PPP2R2C: variants seen among roughly 807,000 people sequenced by gnomAD.
PPP2R2C encodes the protein protein phosphatase 2 regulatory subunit Bgamma.
Under a neutral mutation model 45.3 loss-of-function variants are expected in PPP2R2C, and 10 were observed. The ratio of observed to expected loss-of-function variants is 0.22; its 90% CI spans 0.14 to 0.37. The LOEUF (loss-of-function observed/expected upper bound fraction) is 0.37. Ranked by LOEUF, PPP2R2C falls within the 10% of genes least tolerant of loss-of-function variation. The pLI, the probability that PPP2R2C is intolerant of heterozygous loss-of-function variation, is 1.00. For missense variants in PPP2R2C, 308 were observed against 619.7 expected (o/e 0.50, Z 5.34); for synonymous variants, 257 against 245.4 (o/e 1.05, Z -0.44).
In PPP2R2C at chr4:6,415,834, C is replaced by T. The variant is rs140519773; in HGVS notation, c.71-34740G>A. ...CCAGCCATGACTCACATACCTCCTA[C>T]GATGGGGAGCTCACTACCACATTAC... is the stretch of plus-strand genomic sequence containing the variant. On this transcript the variant is annotated intron_variant, in intron 1 of 8. Transcript: ENST00000382599. Among the ~76,000 whole-genome samples the T allele has an allele frequency of 2.9e-3, 439 of 152,276 alleles. 1 individual carries two copies. The highest frequency in any genetic ancestry group is 9.9e-3 in the African/African-American group (411 of 41,536).
chr4:6,423,159 C>T (rs1197228088), intron 1 of PPP2R2C, among the ~76,000 whole-genome samples: 2 of 152,162 alleles, frequency 1.3e-5, no homozygotes, highest in African/African-American at 4.8e-5. Context: ...GTGTGTCAGG[C>T]TCTGTGCTAC....
chr4:6,405,925 T>C (rs756052422), intron 1 of PPP2R2C, among the ~76,000 whole-genome samples: 29 of 152,232 alleles, frequency 1.9e-4, no homozygotes, highest in Non-Finnish European at 3.4e-4. Flanking sequence ...GCTCGATACT[T>C]TGTTTTGTTT....
At chr4:6,341,925 G>C (rs1170206175) in intron 6 of PPP2R2C, among the ~76,000 whole-genome samples, 2 of 151,958 alleles carry the variant, frequency 1.3e-5, no homozygotes, top group Non-Finnish European at 2.9e-5. Context: ...GTGTTGTTTT[G>C]AGCCACTAAG....
At chr4:6,427,650 C>T (rs913059984) in intron 1 of PPP2R2C, among the ~76,000 whole-genome samples, 1 of 152,210 alleles carries the variant, frequency 6.6e-6, no homozygotes, top group African/African-American at 2.4e-5. Flanking sequence ...CCATGCTTGT[C>T]CCTAGGCCAG....
intron 1 of PPP2R2C, among the ~76,000 whole-genome samples, chr4:6,416,357 C>A (rs899897953): frequency 3.3e-5 from 5 of 152,184 alleles, no homozygotes; most frequent in Non-Finnish European, 5.9e-5. Context: ...AGCCAGGATT[C>A]GAACCCAGGT....
intron 1 of PPP2R2C, among the ~76,000 whole-genome samples, chr4:6,541,706 C>G (rs1330394155): frequency 2.0e-5 from 3 of 152,170 alleles, no homozygotes. Context: ...CCATCACGCT[C>G]AGCTAATTTT....
At chr4:6,534,928 A>G (rs1560608156) in intron 2 of PPP2R2C, among the ~76,000 whole-genome samples, 1 of 152,200 alleles carries the variant, frequency 6.6e-6, no homozygotes, top group Non-Finnish European at 1.5e-5. Flanking sequence ...CGGGCACTCA[A>G]CACTGTTGGC....
chr4:6,414,121 T>TACAG, intron 1 of PPP2R2C: 3 of 1,109,906 alleles, frequency 2.7e-6, no homozygotes, highest in Admixed American at 3.2e-5. Flanking sequence ...TGTGTGTGTG[T>TACAG]GTACAGGTAA....
At chr4:6,446,877 T>G (rs1720448902) in intron 1 of PPP2R2C, among the ~76,000 whole-genome samples, 1 of 128,442 alleles carries the variant, frequency 7.8e-6, no homozygotes, top group African/African-American at 2.9e-5. Context: ...AGTGTCTGCT[T>G]GTAAAAAAAA....
chr4:6,475,551 G>A (rs1008340305), upstream of PPP2R2C, among the ~76,000 whole-genome samples: 18 of 152,132 alleles, frequency 1.2e-4, no homozygotes, highest in African/African-American at 3.6e-4. Context: ...TGTGTCAGAC[G>A]GCATGAGAAT....
At chr4:6,455,320 G>A (rs907603859) in intron 1 of PPP2R2C, among the ~76,000 whole-genome samples, 3 of 152,136 alleles carry the variant, frequency 2.0e-5, no homozygotes, top group African/African-American at 4.8e-5. Flanking sequence ...GAATAATCTG[G>A]AATACAGGAC....
intron 1 of PPP2R2C, among the ~76,000 whole-genome samples, chr4:6,550,913 TG>T (rs1725163302): frequency 6.6e-6 from 1 of 152,200 alleles, no homozygotes; most frequent in Non-Finnish European, 1.5e-5. Flanking sequence ...CCCAAAGTGC[TG>T]GGGTTACAGG....
At chr4:6,341,510 C>T (rs1733445677) in intron 6 of PPP2R2C, among the ~76,000 whole-genome samples, 1 of 152,164 alleles carries the variant, frequency 6.6e-6, no homozygotes, top group Admixed American at 6.5e-5. Flanking sequence ...GTCTTAATCT[C>T]TCTGTGCTTC....
Position 6,439,684 on chromosome 4 carries a change from A to G in PPP2R2C, c.70+32476T>C, listed in dbSNP as rs369571802. Among the ~76,000 whole-genome samples, 4 of 152,232 alleles carry G rather than the reference A, an allele frequency of 2.6e-5. 1 individual carries two copies. The highest frequency in any genetic ancestry group is 6.5e-5 in the Admixed American group (1 of 15,290). On this transcript the variant is annotated intron_variant, in intron 1 of 8. Coordinates refer to ENST00000382599, the MANE Select transcript of PPP2R2C (RefSeq NM_020416.4). Reference sequence around the variant, plus strand: ...CATCCACTCTCCCCACCATGAACAGAGAGGTCTTCCTAAACTAAAGATCTA... The same window carrying G: ...CATCCACTCTCCCCACCATGAACAGGGAGGTCTTCCTAAACTAAAGATCTA...
In PPP2R2C at chr4:6,323,309, A is replaced by G. The variant is rs760655172; in HGVS notation, c.1337T>C (p.Met446Thr). The change falls in exon 9 of 9, where the codon ATG (methionine) becomes ACG (threonine). Residue 446 changes from methionine (M) to threonine (T), a missense_variant. Coordinates refer to ENST00000382599, the MANE Select transcript of PPP2R2C (RefSeq NM_020416.4). ...YIFQDKVNSD[M>T]H The stretch of plus-strand genomic sequence containing the variant: ...GCCGGGAACTGCACATACCTAGTGC[A>G]TGTCAGAGTTTACCTTGTCCTGGAA... The G allele has an allele frequency of 6.9e-6, 11 of 1,599,770 alleles. No individual in the cohort carries two copies. The East Asian group carries it at 2.5e-4, about 36-fold the overall frequency.
chr4:6,444,994 G>A (rs1272684277), intron 1 of PPP2R2C, among the ~76,000 whole-genome samples: 1 of 152,110 alleles, frequency 6.6e-6, no homozygotes, highest in Non-Finnish European at 1.5e-5. Context: ...AGATCAGTCT[G>A]GGCAACATGG....
chr4:6,499,287 A>G (rs111623120), intron 2 of PPP2R2C, among the ~76,000 whole-genome samples: 97 of 152,324 alleles, frequency 6.4e-4, no homozygotes, highest in African/African-American at 2.3e-3. Flanking sequence ...GGCTCAGGAA[A>G]TATTGAGGGA....
intron 1 of PPP2R2C, among the ~76,000 whole-genome samples, chr4:6,385,539 G>A (rs1197595941): frequency 1.3e-5 from 2 of 151,948 alleles, no homozygotes. Context: ...CCCCAGTTAA[G>A]TGGTCTCTCC....
intron 2 of PPP2R2C, chr4:6,523,295 T>C (rs1313666289): frequency 6.6e-6 from 1 of 152,216 alleles, no homozygotes; most frequent in Non-Finnish European, 1.5e-5. Context: ...TCAGGCCCAC[T>C]GGGTTTCTAA....
Sources: allele counts gnomAD v4.1 joint callset (sites outside exome capture counted in the v4.1 genomes callset), GRCh38; gene constraint gnomAD v4.1.1; transcripts MANE v1.5; gene names NCBI Gene and HGNC (gene_info 2026-07-23, HGNC 2026-07-21).